LIFR: variants seen among roughly 807,000 people sequenced by gnomAD.
LIFR encodes leukemia inhibitory factor receptor.
LIFR carries 84 observed loss-of-function variants against 122.2 expected under a neutral mutation model. The ratio of observed to expected loss-of-function variants is 0.69; its 90% CI spans 0.58 to 0.82. The LOEUF (loss-of-function observed/expected upper bound fraction) is 0.82. Among genes scored for constraint, LIFR ranks in the 40% least tolerant of loss-of-function variants. The pLI, the probability that LIFR is intolerant of heterozygous loss-of-function variation, is 0.00. For missense variants in LIFR, 1,294 were observed against 1,311.6 expected, an observed-to-expected ratio of 0.99 and a Z score of 0.21; for synonymous variants, 422 against 434.7, an observed-to-expected ratio of 0.97 and a Z score of 0.36.
At chr5:38,508,705 T>C (rs1356188228) in intron 7 of LIFR, among the ~76,000 whole-genome samples, 2 of 151,720 alleles carry the variant, frequency 1.3e-5, no homozygotes, top group Non-Finnish European at 2.9e-5. Context: ...GCTTCCCGAG[T>C]AGCTGAGACC....
At chr5:38,534,513 G>A (rs996000780) in intron 1 of LIFR, among the ~76,000 whole-genome samples, 1 of 152,160 alleles carries the variant, frequency 6.6e-6, no homozygotes, top group Non-Finnish European at 1.5e-5. Context: ...TAACAAAGAT[G>A]TATGCAAAAT....
rs1325245758 is a variant in LIFR, at chr5:38,497,709, A to AT, written c.1672-1115dup. Among the ~76,000 whole-genome samples the AT allele has an allele frequency of 5.7e-4, 86 of 152,078 alleles. 1 individual carries two copies. Among genetic ancestry groups the AT allele is most frequent in the African/African-American group, 1.9e-3 (77 of 41,484 alleles). ...TTTCAAGTTGTTTTTCTAGGTATAG[A>AT]TTTTTTTACTAACATTGTTTTAATC... On this transcript the variant is annotated intron_variant, in intron 12 of 19. Coordinates refer to ENST00000453190, the MANE Select transcript of LIFR (RefSeq NM_001127671.2).
intron 18 of LIFR, among the ~76,000 whole-genome samples, chr5:38,483,986 G>C (rs1050296818): frequency 1.3e-5 from 2 of 152,084 alleles, no homozygotes; most frequent in African/African-American, 4.8e-5. Flanking sequence ...CGGAGCTCCC[G>C]CTGACCTCAC....
chr5:38,506,524 G>C lies in LIFR; in HGVS notation c.1100C>G (p.Thr367Arg). The C allele has an allele frequency of 6.2e-7, 1 of 1,614,000 alleles. No homozygotes were observed. Among genetic ancestry groups the C allele is most frequent in the South Asian group, 1.1e-5 (1 of 91,064 alleles). Residue 367 changes from threonine (T) to arginine (R), a missense_variant, in exon 8 of 20, where the codon ACA (threonine) becomes AGA (arginine). Transcript: ENST00000453190. ...RVTALVGPRATSYTLVESFSG... is the reference protein window; with the variant it reads ...RVTALVGPRARSYTLVESFSG... Reference sequence around the variant, plus strand: ...TTACCTTTCAACTAAAGTGTAGCTTGTAGCACGTGGGCCCACCAACGCTGT... The same window carrying C: ...TTACCTTTCAACTAAAGTGTAGCTTCTAGCACGTGGGCCCACCAACGCTGT...
At chr5:38,502,087 C>T (rs1197566357) in intron 11 of LIFR, among the ~76,000 whole-genome samples, 1 of 151,378 alleles carries the variant, frequency 6.6e-6, no homozygotes, top group African/African-American at 2.4e-5. Flanking sequence ...AATATGGTGG[C>T]AATCATAGTA....
intron 1 of LIFR, among the ~76,000 whole-genome samples, chr5:38,554,730 G>A (rs2112666833): frequency 6.6e-6 from 1 of 152,296 alleles, no homozygotes; most frequent in East Asian, 1.9e-4. Flanking sequence ...TACACAAGGA[G>A]CCAGTAGCTG....
At chr5:38,542,187 A>G (rs10512686) in intron 1 of LIFR, among the ~76,000 whole-genome samples, 45,637 of 152,114 alleles carry the variant, frequency 0.3, 7,146 homozygotes, top group East Asian at 0.41. Flanking sequence ...CCATCTCACC[A>G]TAAGTGCCAG....
intron 1 of LIFR, among the ~76,000 whole-genome samples, chr5:38,576,554 A>T (rs571682861): frequency 4.6e-4 from 70 of 152,326 alleles, no homozygotes; most frequent in African/African-American, 1.6e-3. Context: ...CTTGACTATA[A>T]TGCGAGCCAG....
In LIFR at chr5:38,484,879, A is replaced by G. The variant is rs776725155; in HGVS notation, c.2498-11T>C. 5.7e-6 allele frequency: 9 copies of G among 1,584,190 alleles called. No individual in the cohort carries two copies. In the South Asian group the frequency reaches 1.0e-4, roughly 18 times the overall value. ...TAATTAATCCCACAGCTGAAACGAGAGTATTGCAAATATTAAAATCGCCAT... is the reference window on the plus strand; with the variant it reads ...TAATTAATCCCACAGCTGAAACGAGGGTATTGCAAATATTAAAATCGCCAT... On this transcript the variant is annotated splice_polypyrimidine_tract_variant and intron_variant, in intron 17 of 19. Coordinates refer to ENST00000453190, the MANE Select transcript of LIFR (RefSeq NM_001127671.2).
chr5:38,538,246 A>G (rs1054656027), intron 1 of LIFR, among the ~76,000 whole-genome samples: 2 of 152,172 alleles, frequency 1.3e-5, no homozygotes, highest in Admixed American at 6.5e-5. Flanking sequence ...TCCTTAGCCT[A>G]CTGCTCCTTC....
intron 13 of LIFR, among the ~76,000 whole-genome samples, chr5:38,494,462 A>G (rs1041226883): frequency 1.3e-5 from 2 of 151,992 alleles, no homozygotes; most frequent in East Asian, 3.9e-4. Flanking sequence ...GCAAGGGGCA[A>G]GGGGCAAGGG....
chr5:38,592,372 G>A (rs1580242110), intron 1 of LIFR, among the ~76,000 whole-genome samples: 1 of 152,148 alleles, frequency 6.6e-6, no homozygotes, highest in South Asian at 2.1e-4. Context: ...AGTACATTAT[G>A]TAAGGCTGGG....
intron 1 of LIFR, among the ~76,000 whole-genome samples, chr5:38,580,850 A>G (rs946020354): frequency 6.6e-6 from 1 of 152,098 alleles, no homozygotes; most frequent in African/African-American, 2.4e-5. Flanking sequence ...AGCCCCATAA[A>G]TATGAGACTC....
Position 38,508,960 on chromosome 5 carries a change from A to G in LIFR, c.991+1504T>C, listed in dbSNP as rs1745646713. Among the ~76,000 whole-genome samples, 2 of 152,188 alleles carry G rather than the reference A, an allele frequency of 1.3e-5. 1 individual carries two copies. Among genetic ancestry groups the G allele is most frequent in the South Asian group, 4.1e-4 (2 of 4,830 alleles). On this transcript the variant is annotated intron_variant, in intron 7 of 19. Coordinates refer to ENST00000453190, the MANE Select transcript of LIFR (RefSeq NM_001127671.2). ...AAAGAAAGGAAATAAATGAATCCTG[A>G]TACCTAACTCACGAAATAACCTGCT...
Position 38,476,847 on chromosome 5 carries a change from T to C in LIFR, c.*4748A>G. On this transcript the variant is annotated 3_prime_UTR_variant, in exon 20 of 20. Coordinates refer to ENST00000453190, the MANE Select transcript of LIFR (RefSeq NM_001127671.2). ...TCATGAAAATGTTGCACAGTTAGAA[T>C]TTGTCTTGCATAGGTAAATTCTGTT... The C allele has an allele frequency of 4.7e-6, 1 of 212,930 alleles. No homozygotes were observed. The highest frequency in any genetic ancestry group is 9.5e-6 in the Non-Finnish European group (1 of 105,240). 13.2% of individuals were successfully genotyped at this position (212,930 alleles called of 1,614,324 possible).
exon 1 of LIFR, chr5:38,608,303 G>C (rs932616397): frequency 6.6e-6 from 1 of 151,802 alleles, no homozygotes; most frequent in African/African-American, 2.4e-5. Context: ...TCTTCTATTT[G>C]CTTTTCCAAT....
intron 1 of LIFR, among the ~76,000 whole-genome samples, chr5:38,571,324 G>T (rs1283854594): frequency 6.6e-6 from 1 of 152,136 alleles, no homozygotes; most frequent in African/African-American, 2.4e-5. Flanking sequence ...GGCTGAGGCG[G>T]GCGGATCACT....
At chr5:38,590,449 T>C (rs1562136) in intron 1 of LIFR, among the ~76,000 whole-genome samples, 126,508 of 152,180 alleles carry the variant, frequency 0.83, 52,754 homozygotes, top group East Asian at 0.97. Flanking sequence ...CTGCCTCTGT[T>C]GTCTGTGCCT....
chr5:38,501,771 GTTT>G (rs901202565), intron 11 of LIFR, among the ~76,000 whole-genome samples: 7 of 143,246 alleles, frequency 4.9e-5, no homozygotes, highest in Non-Finnish European at 1.1e-4. Flanking sequence ...CTATTTCTGA[GTTT>G]TTTTTTTTTT....
Sources: gnomAD v4.1 joint callset for allele counts (sites outside exome capture counted in the v4.1 genomes callset) on GRCh38, gnomAD v4.1.1 for gene constraint, MANE v1.5 for transcripts, NCBI Gene and HGNC (gene_info 2026-07-23, HGNC 2026-07-21) for gene names.